Variants in KALRN observed in about 807,000 individuals in gnomAD.
The protein encoded by KALRN is kalirin RhoGEF kinase.
A neutral mutation model predicts 353.7 loss-of-function variants in KALRN; 70 were observed. The observed-to-expected ratio is 0.20, with a 90% CI of 0.16 to 0.24. The LOEUF is 0.24. Ranked by LOEUF, KALRN falls within the 10% of genes least tolerant of loss-of-function variation. The pLI, the probability that KALRN is intolerant of heterozygous loss-of-function variation, is 1.00. For missense variants in KALRN, 2,791 were observed against 3,756.7 expected, an observed-to-expected ratio of 0.74 and a Z score of 6.72; for synonymous variants, 1,391 against 1,434.8, an observed-to-expected ratio of 0.97 and a Z score of 0.69.
At chr3:124,630,943 C>G (rs1267315404) in intron 34 of KALRN, among the ~76,000 whole-genome samples, 2 of 151,958 alleles carry the variant, frequency 1.3e-5, no homozygotes, top group South Asian at 4.2e-4. Flanking sequence ...TGCATCCTCT[C>G]TAATTAGGCC....
intron 1 of KALRN, among the ~76,000 whole-genome samples, chr3:124,068,731 T>C (rs563594073): frequency 8.5e-5 from 13 of 152,072 alleles, no homozygotes; most frequent in Non-Finnish European, 1.8e-4. Flanking sequence ...AGCAGTTGAA[T>C]AATGATTATT....
chr3:124,327,068 C>T (rs1404830334), intron 7 of KALRN, among the ~76,000 whole-genome samples: 3 of 152,066 alleles, frequency 2.0e-5, no homozygotes, highest in Non-Finnish European at 4.4e-5. Flanking sequence ...TAAAATACAC[C>T]ATGGTAGGAG....
chr3:124,118,005 G>A (rs34488868), intron 1 of KALRN, among the ~76,000 whole-genome samples: 6,491 of 152,170 alleles, frequency 0.043, 312 homozygotes, highest in East Asian at 0.2. Flanking sequence ...AATCTCTTTG[G>A]GTTTTAAGCT....
intron 34 of KALRN, among the ~76,000 whole-genome samples, chr3:124,572,328 AAAAAAC>A (rs1344247696): frequency 1.3e-5 from 2 of 151,422 alleles, no homozygotes; most frequent in African/African-American, 2.4e-5. Flanking sequence ...CCATCTCAAA[AAAAAAC>A]AAAAAACAAA....
intron 1 of KALRN, among the ~76,000 whole-genome samples, chr3:124,054,584 A>C (rs1476896421): frequency 6.6e-6 from 1 of 152,096 alleles, no homozygotes; most frequent in Non-Finnish European, 1.5e-5. Flanking sequence ...CCCTATCTTC[A>C]TGGTGCTCAG....
At chr3:124,039,902 T>A (rs1211419331) in intron 1 of KALRN, among the ~76,000 whole-genome samples, 5 of 152,204 alleles carry the variant, frequency 3.3e-5, no homozygotes, top group African/African-American at 1.2e-4. Flanking sequence ...GGTCACATCA[T>A]TTTTCAGGAG....
In KALRN at chr3:124,177,354, G is replaced by T. The variant is rs183695317; in HGVS notation, c.74-50636G>T. On this transcript the variant is annotated intron_variant, in intron 1 of 59. Transcript: ENST00000682506. ...CACAATAAATATCCAGGGTAACCTG[G>T]CATTACTCCTTTTTAGCTCCCCAAA... is the stretch of plus-strand genomic sequence containing the variant. 2.4e-4 allele frequency among the ~76,000 whole-genome samples: 36 copies of T among 152,298 alleles called. No homozygotes were observed. The East Asian group carries it at 6.8e-3, about 29-fold the overall frequency.
chr3:124,352,128 C>G (rs1420000356), intron 10 of KALRN, among the ~76,000 whole-genome samples: 5 of 152,178 alleles, frequency 3.3e-5, no homozygotes, highest in African/African-American at 9.7e-5. Context: ...CCTATAATCT[C>G]CCCAAATGGC....
At position 124,632,644 on chromosome 3, in the gene KALRN, G is replaced by A; in HGVS notation, c.5407G>A (p.Asp1803Asn). Residue 1803 changes from aspartate (D) to asparagine (N), a missense_variant, in exon 35 of 60, where the codon GAC becomes AAC. Asp to Asn is a conservative substitution (Grantham distance 23). Transcript: ENST00000682506. The part of the protein sequence containing the change: ...KKVRDGRKSF[D>N]LGSPKPGDET... ...AGTTCGCGATGGTCGGAAGAGCTTTGACCTGGGATCTCCCAAGCCTGGGGA... is the reference window on the plus strand; with the variant it reads ...AGTTCGCGATGGTCGGAAGAGCTTTAACCTGGGATCTCCCAAGCCTGGGGA... 6.2e-7 allele frequency: 1 copy of A among 1,614,176 alleles called. No individual in the cohort carries two copies. The highest frequency in any genetic ancestry group is 8.5e-7 in the Non-Finnish European group (1 of 1,180,024).
intron 57 of KALRN, among the ~76,000 whole-genome samples, chr3:124,706,781 G>T (rs991528344): frequency 1.3e-5 from 2 of 151,454 alleles, no homozygotes; most frequent in African/African-American, 4.8e-5. Flanking sequence ...TGTTGGCCAG[G>T]CTGATCTCAA....
At position 124,700,048 on chromosome 3, in the gene KALRN, A is replaced by C; in HGVS notation, c.7996+15A>C. 2.5e-6 allele frequency: 4 copies of C among 1,612,872 alleles called. No homozygotes were observed. Among genetic ancestry groups the C allele is most frequent in the Non-Finnish European group, 3.4e-6 (4 of 1,179,488 alleles). On this transcript the variant is annotated intron_variant, in intron 56 of 59. Transcript: ENST00000682506. ...TCCAGAATATGGTGAGTCCCAGCCC[A>C]GCCCTGGCCCCCCAGGCAGTGGGAT...
intron 33 of KALRN, among the ~76,000 whole-genome samples, chr3:124,507,056 A>C (rs1283104206): frequency 1.3e-5 from 2 of 152,202 alleles, no homozygotes; most frequent in African/African-American, 2.4e-5. Flanking sequence ...AATATGCCCA[A>C]TTTTGAGACA....
In KALRN at chr3:124,342,973, C is replaced by T. The variant is rs1209478100; in HGVS notation, c.1648-4170C>T. Among the ~76,000 whole-genome samples, 3 of 152,228 alleles carry T rather than the reference C, an allele frequency of 2.0e-5. 1 individual carries two copies. Among genetic ancestry groups the T allele is most frequent in the Non-Finnish European group, 4.4e-5 (3 of 68,052 alleles). ...TGCCCCTGGGGGCCAGGCTTACCACCTGCCTCTCCATCTCCCCCATAGCCA... is the reference window on the plus strand; with the variant it reads ...TGCCCCTGGGGGCCAGGCTTACCACTTGCCTCTCCATCTCCCCCATAGCCA... On this transcript the variant is annotated intron_variant, in intron 9 of 59. Coordinates refer to ENST00000682506, the MANE Select transcript of KALRN (RefSeq NM_001388419.1).
chr3:124,118,605 A>G (rs969660083), intron 1 of KALRN, among the ~76,000 whole-genome samples: 2 of 152,172 alleles, frequency 1.3e-5, no homozygotes, highest in Admixed American at 6.5e-5. Flanking sequence ...GCATCTCTCT[A>G]TGTGAGTCAT....
intron 28 of KALRN, among the ~76,000 whole-genome samples, chr3:124,487,376 C>T (rs1286346955): frequency 1.3e-5 from 2 of 152,112 alleles, no homozygotes; most frequent in Non-Finnish European, 2.9e-5. Context: ...TCCCCAGCTC[C>T]CCAGGAGGTA....
In KALRN at chr3:124,700,158, G is replaced by A. The variant is rs1212446232; in HGVS notation, c.7996+125G>A. 5 of 883,730 alleles carry A rather than the reference G, an allele frequency of 5.7e-6. No individual in the cohort carries two copies. The Admixed American group carries it at 1.1e-4, about 20-fold the overall frequency. The allele number at this position is 883,730 out of a possible 1,614,324, so 54.7% of individuals were successfully genotyped here. A position where few individuals can be genotyped will look rare whatever the true frequency, so the allele number is the denominator to read the frequency against. On this transcript the variant is annotated intron_variant, in intron 56 of 59. Transcript: ENST00000682506. Reference sequence around the variant, plus strand: ...CAAGAGGCACCTTTTAGAGGACTAAGAAGAATGTTTCTGTAAAGTATAGCT... The same window carrying A: ...CAAGAGGCACCTTTTAGAGGACTAAAAAGAATGTTTCTGTAAAGTATAGCT...
intron 34 of KALRN, among the ~76,000 whole-genome samples, chr3:124,579,759 C>T (rs904164494): frequency 2.6e-5 from 4 of 152,316 alleles, no homozygotes; most frequent in Middle Eastern, 3.4e-3. Flanking sequence ...ATTCCATCAA[C>T]TTAGAAATCT....
intron 13 of KALRN, chr3:124,410,200 C>G (rs1190523074): frequency 1.9e-6 from 1 of 532,750 alleles, no homozygotes; most frequent in African/African-American, 1.9e-5. Context: ...CTCTCTTCTC[C>G]CTCACCAGGA....
intron 10 of KALRN, among the ~76,000 whole-genome samples, chr3:124,381,394 G>T (rs2087349589): frequency 6.6e-6 from 1 of 152,162 alleles, no homozygotes; most frequent in African/African-American, 2.4e-5. Context: ...GTGAAGAAGG[G>T]CATTGCACAC....
Sources: gnomAD v4.1 joint callset for allele counts (sites outside exome capture counted in the v4.1 genomes callset) on GRCh38, gnomAD v4.1.1 for gene constraint, MANE v1.5 for transcripts, NCBI Gene and HGNC (gene_info 2026-07-23, HGNC 2026-07-21) for gene names.